The following SLC51A variants were observed in gnomAD, a reference collection of about 807,000 sequenced individuals.
SLC51A encodes solute carrier family 51 member A, also known as organic solute transporter subunit alpha.
SLC51A carries 22 observed loss-of-function variants against 34.8 expected under a neutral mutation model. The observed-to-expected ratio is 0.63, with a 90% CI of 0.45 to 0.90. The LOEUF (loss-of-function observed/expected upper bound fraction) is 0.90, where lower values mean the gene tolerates loss of function less well. Ranked by LOEUF, SLC51A falls within the 40% of genes least tolerant of loss-of-function variation. The pLI is 0.00. For missense variants in SLC51A, 371 were observed against 414.8 expected (o/e 0.89, Z 0.92); for synonymous variants, 181 against 176.3 (o/e 1.03, Z -0.21).
intron 1 of SLC51A, among the ~76,000 whole-genome samples, chr3:196,217,046 G>A (rs1038365032): frequency 5.3e-5 from 8 of 152,156 alleles, no homozygotes; most frequent in Admixed American, 4.6e-4. Flanking sequence ...GGGCCCGTCC[G>A]TCTGTAAGGA....
chr3:196,217,660 G>GAGA (rs1723628119), intron 1 of SLC51A, among the ~76,000 whole-genome samples, 182 bp from the exon 2 acceptor site: 1 of 150,710 alleles, frequency 6.6e-6, no homozygotes, highest in South Asian at 2.1e-4. Flanking sequence ...GAAGGGGAAG[G>GAGA]GAGAGAGAAA....
chr3:196,221,715 TTTTG>T (rs1323427180), intron 2 of SLC51A, among the ~76,000 whole-genome samples: 3 of 151,188 alleles, frequency 2.0e-5, no homozygotes, highest in Non-Finnish European at 1.5e-5. Context: ...TGGTTTGGTT[TTTTG>T]TTTTTTTTTT....
intron 2 of SLC51A, among the ~76,000 whole-genome samples, 182 bp from the exon 3 acceptor site, chr3:196,226,783 A>G (rs1240869581): frequency 6.7e-6 from 1 of 150,176 alleles, no homozygotes; most frequent in African/African-American, 2.5e-5. Flanking sequence ...TAAAAAAAAA[A>G]AAAAAAGAAA....
rs778424675 is a variant in SLC51A, at chr3:196,229,900, TTC to T, written c.634-13_634-12del. On this transcript the variant is annotated splice_polypyrimidine_tract_variant and intron_variant, in intron 6 of 8. Transcript: ENST00000296327. The stretch of plus-strand genomic sequence containing the variant: ...GAGCTTGCCTGCCTCACTGACTACT[TTC>T]TGTTGCCACCAGATTTCTGAGGGGA... The T allele has an allele frequency of 6.3e-7, 1 of 1,588,618 alleles. No individual in the cohort carries two copies. Among genetic ancestry groups the T allele is most frequent in the African/African-American group, 1.4e-5 (1 of 73,868 alleles).
intron 2 of SLC51A, among the ~76,000 whole-genome samples, chr3:196,220,962 T>C (rs1292107181): frequency 4.6e-5 from 7 of 150,676 alleles, no homozygotes; most frequent in Non-Finnish European, 3.0e-5. Context: ...CGATCTCGGC[T>C]TACCCCAACC....
At position 196,228,979 on chromosome 3, in the gene SLC51A, A is replaced by C; in HGVS notation, c.633+59A>C. On this transcript the variant is annotated intron_variant, in intron 6 of 8. Transcript: ENST00000296327. This position sits in a 1 kb window ranked among gnomAD's most constrained non-coding sequence, Gnocchi z 4.9. ...ACTCATTTAGTACCTTTGTGTTCTA[A>C]AAGGAATCACCAGAGCCAACACCCC... 1 of 1,399,946 alleles carries C rather than the reference A, an allele frequency of 7.1e-7. No individual in the cohort carries two copies. Among genetic ancestry groups the C allele is most frequent in the Non-Finnish European group, 1.0e-6 (1 of 984,714 alleles). 86.7% of individuals were successfully genotyped at this position (1,399,946 alleles called of 1,614,324 possible). A position where few individuals can be genotyped will look rare whatever the true frequency, so the allele number is the denominator to read the frequency against.
chr3:196,216,643 C>CCCCCACCTGCCCG lies in SLC51A; in HGVS notation c.-65_-53dup, dbSNP rs772535853. The CCCCCACCTGCCCG allele has an allele frequency of 2.4e-4, 362 of 1,496,614 alleles. 2 individuals are homozygous for CCCCCACCTGCCCG. In the African/African-American group the frequency reaches 3.8e-3, roughly 16 times the overall value. The allele number at this position is 1,496,614 out of a possible 1,614,324, so 92.7% of individuals were successfully genotyped here. A position where few individuals can be genotyped will look rare whatever the true frequency, so the allele number is the denominator to read the frequency against. On this transcript the variant is annotated 5_prime_UTR_variant, in exon 1 of 9. Transcript: ENST00000296327. This position sits in a 1 kb window ranked among gnomAD's most constrained non-coding sequence, Gnocchi z 4.5. The stretch of plus-strand genomic sequence containing the variant: ...CCCAGGCAAGCCACCCTGCCCCCGG[C>CCCCCACCTGCCCG]CCCCACCTGCCCGCCCCGCCTGCCC...
At chr3:196,231,325 A>G (rs1324634311) in intron 7 of SLC51A, among the ~76,000 whole-genome samples, 1 of 152,170 alleles carries the variant, frequency 6.6e-6, no homozygotes, top group East Asian at 1.9e-4. Flanking sequence ...ATGTTGGCCC[A>G]CCTTCTACGT....
At chr3:196,218,300 G>A (rs1019625924) in intron 2 of SLC51A, among the ~76,000 whole-genome samples, 1 of 152,226 alleles carries the variant, frequency 6.6e-6, no homozygotes, top group Non-Finnish European at 1.5e-5. Flanking sequence ...CTCCTGGAGG[G>A]CTGCACGGCA....
chr3:196,218,614 G>A (rs1299441359), intron 2 of SLC51A, among the ~76,000 whole-genome samples: 1 of 152,180 alleles, frequency 6.6e-6, no homozygotes, highest in Non-Finnish European at 1.5e-5. Flanking sequence ...GGATCCCCGA[G>A]GCCAGCTCAA....
rs1723955694 is a variant in SLC51A at position 196,228,677 on chromosome 3, C to A, written c.522-132C>A. ...CAACATTCTGCTTTTTTCCTCTGTC[C>A]CCATCCACTTAACCTGGTTGGTGTT... On this transcript the variant is annotated intron_variant, in intron 5 of 8. Transcript: ENST00000296327. The surrounding 1 kb of genome is among the most constrained non-coding windows in gnomAD (Gnocchi z 4.9). The A allele has an allele frequency of 4.1e-6, 3 of 739,550 alleles. No individual in the cohort carries two copies. The highest frequency in any genetic ancestry group is 1.7e-5 in the African/African-American group (1 of 57,406). The allele number at this position is 739,550 out of a possible 1,614,324, so 45.8% of individuals were successfully genotyped here. A position where few individuals can be genotyped will look rare whatever the true frequency, so the allele number is the denominator to read the frequency against.
chr3:196,219,174 C>T (rs1229959897), intron 2 of SLC51A, among the ~76,000 whole-genome samples: 6 of 151,936 alleles, frequency 3.9e-5, no homozygotes, highest in African/African-American at 9.7e-5. Context: ...TGCAGTGAGC[C>T]GAGATCACGC....
At chr3:196,219,205 A>G (rs966291049) in intron 2 of SLC51A, among the ~76,000 whole-genome samples, 4 of 152,198 alleles carry the variant, frequency 2.6e-5, no homozygotes, top group African/African-American at 7.2e-5. Context: ...CAGCCTGGGC[A>G]ACAGAGTGAG....
intron 8 of SLC51A, 39 bp from the exon 9 acceptor site, chr3:196,233,024 C>T: frequency 1.2e-6 from 2 of 1,601,686 alleles, no homozygotes; most frequent in Non-Finnish European, 1.7e-6. Context: ...ACCTCTGTAA[C>T]TCAGCATAAC....
In SLC51A at chr3:196,230,043, CA is replaced by C; in HGVS notation, c.765del (p.Lys255AsnfsTer11). ...LHLGEQNMGA[K>X]FALFQVLLIL... ...ACCTGGGTGAGCAGAACATGGGAGC[CA>C]AATTTGCTCTGTTCCAGGTAACTAT... On this transcript the variant is annotated frameshift_variant, in exon 7 of 9. Coordinates refer to ENST00000296327, the MANE Select transcript of SLC51A (RefSeq NM_152672.6). LOFTEE classifies it high-confidence loss of function. 6.2e-7 allele frequency: 1 copy of C among 1,612,544 alleles called. No homozygotes were observed. Among genetic ancestry groups the C allele is most frequent in the Non-Finnish European group, 8.5e-7 (1 of 1,179,312 alleles).
Position 196,227,624 on chromosome 3 carries a change from C to T in SLC51A, c.289-40C>T, listed in dbSNP as rs917470478. ...CAAAAGGCTTCCGGAGCCTCAGGGTCTCCCTCCCGCCCTCACCTGCTCCTG... is the reference window on the plus strand; with the variant it reads ...CAAAAGGCTTCCGGAGCCTCAGGGTTTCCCTCCCGCCCTCACCTGCTCCTG... On this transcript the variant is annotated intron_variant, in intron 3 of 8. Transcript: ENST00000296327. The T allele has an allele frequency of 6.9e-6, 11 of 1,594,534 alleles. No homozygotes were observed. The African/African-American group carries it at 1.2e-4, about 17-fold the overall frequency.
In SLC51A at chr3:196,228,651, T is replaced by G; in HGVS notation, c.522-158T>G. 1.5e-6 allele frequency: 1 copy of G among 654,908 alleles called. No individual in the cohort carries two copies. The highest frequency in any genetic ancestry group is 4.2e-4 in the Middle Eastern group (1 of 2,380). The allele number at this position is 654,908 out of a possible 1,614,324, so 40.6% of individuals were successfully genotyped here. On this transcript the variant is annotated intron_variant, in intron 5 of 8. Coordinates refer to ENST00000296327, the MANE Select transcript of SLC51A (RefSeq NM_152672.6). This position sits in a 1 kb window ranked among gnomAD's most constrained non-coding sequence, Gnocchi z 4.9. Reference sequence around the variant, plus strand: ...GAGACCAAGAGGGTTCCCAGCACTCTCAACATTCTGCTTTTTTCCTCTGTC... The same window carrying G: ...GAGACCAAGAGGGTTCCCAGCACTCGCAACATTCTGCTTTTTTCCTCTGTC...
At chr3:196,219,629 GT>G (rs199580327) in intron 2 of SLC51A, among the ~76,000 whole-genome samples, 3,280 of 152,326 alleles carry the variant, frequency 0.022, 129 homozygotes, top group African/African-American at 0.074. Context: ...TCTAGTTCCA[GT>G]GAACCTCCTG....
intron 8 of SLC51A, 68 bp from the exon 9 acceptor site, chr3:196,232,995 G>C: frequency 6.6e-7 from 1 of 1,515,608 alleles, no homozygotes; most frequent in Non-Finnish European, 9.1e-7. Context: ...TCCCGTGCCC[G>C]GGCTGCTAGT....
Sources: allele counts gnomAD v4.1 joint callset (sites outside exome capture counted in the v4.1 genomes callset), GRCh38; gene constraint gnomAD v4.1.1; non-coding constraint Gnocchi (gnomAD v3.1); transcripts MANE v1.5; gene names NCBI Gene and HGNC (gene_info 2026-07-23, HGNC 2026-07-21).